LIPI: variants seen among roughly 807,000 people sequenced by gnomAD.
LIPI encodes lipase member I.
Under a neutral mutation model 50.6 loss-of-function variants are expected in LIPI, and 59 were observed. The observed-to-expected ratio is 1.16, with a 90% CI of 0.94 to 1.45. The LOEUF (loss-of-function observed/expected upper bound fraction) is 1.45. Among genes scored for constraint, LIPI ranks in the 40% most tolerant of loss-of-function variants. The pLI, the probability that LIPI is intolerant of heterozygous loss-of-function variation, is 0.00. For missense variants in LIPI, 586 were observed against 536.3 expected (o/e 1.09, Z -0.92); for synonymous variants, 203 against 178.2 (o/e 1.14, Z -1.11).
chr21:14,112,227 T>G (rs1179295582), intron 9 of LIPI, among the ~76,000 whole-genome samples: 1 of 152,164 alleles, frequency 6.6e-6, no homozygotes, highest in Non-Finnish European at 1.5e-5. Context: ...TTATACTACT[T>G]TGGTTACTAT....
intron 1 of LIPI, among the ~76,000 whole-genome samples, chr21:14,195,629 C>G (rs749224386): frequency 2.6e-5 from 4 of 152,040 alleles, no homozygotes; most frequent in Non-Finnish European, 4.4e-5. Flanking sequence ...AAACATGAAA[C>G]AGAAAAAAGT....
Position 14,161,622 on chromosome 21 carries a change from A to ATTAATGTATAATATATACATTAAT in LIPI, c.1006+1796_1006+1797insATTAATGTATATATTATACATTAA, listed in dbSNP as rs1568858276. ...ATATTAATATATAATATACATATAT[A>ATTAATGTATAATATATACATTAAT]ATATATTAATATATAATATATACAT... On this transcript the variant is annotated intron_variant, in intron 7 of 9. Transcript: ENST00000681601. Among the ~76,000 whole-genome samples the ATTAATGTATAATATATACATTAAT allele has an allele frequency of 1.2e-4, 11 of 95,562 alleles. 1 individual carries two copies. Among genetic ancestry groups the ATTAATGTATAATATATACATTAAT allele is most frequent in the African/African-American group, 5.4e-4 (11 of 20,296 alleles). The allele number at this position is 95,562 out of a possible 152,430, so 62.7% of individuals were successfully genotyped here.
intron 9 of LIPI, chr21:14,144,352 G>A (rs1382774536): frequency 7.4e-6 from 2 of 269,306 alleles, no homozygotes; most frequent in Non-Finnish European, 1.4e-5. Context: ...TCTAAGGCAG[G>A]CATTGGTGTT....
rs994124837 is a variant in LIPI, at chr21:14,186,017, G to A, written c.485C>T (p.Ala162Val). 2 of 1,607,202 alleles carry A rather than the reference G, an allele frequency of 1.2e-6. No individual in the cohort carries two copies. The highest frequency in any genetic ancestry group is 1.3e-5 in the African/African-American group (1 of 74,918). The change falls in exon 3 of 10, where the codon GCT becomes GTT. Residue 162 changes from alanine (A) to valine (V), a missense_variant. Coordinates refer to ENST00000681601, the MANE Select transcript of LIPI (RefSeq NM_001302998.2). ...CTTTCCAACAAATCCACTGATATGA[G>A]CCCCTAAGCTCACACCTATGAAATG... Reference protein sequence around the residue: ...NFHFIGVSLGAHISGFVGKIF... With the variant: ...NFHFIGVSLGVHISGFVGKIF...
At chr21:14,210,076 T>C (rs140876570) in intron 1 of LIPI, among the ~76,000 whole-genome samples, 2 of 152,078 alleles carry the variant, frequency 1.3e-5, no homozygotes, top group African/African-American at 4.8e-5. Flanking sequence ...TTCAAATAAA[T>C]TTAAAACATA....
intron 4 of LIPI, among the ~76,000 whole-genome samples, chr21:14,179,467 G>T (rs1227664476): frequency 6.6e-6 from 1 of 152,010 alleles, no homozygotes; most frequent in African/African-American, 2.4e-5. Flanking sequence ...AAAAGATGTT[G>T]CAAATATAAG....
At chr21:14,132,052 G>A (rs553286108) in intron 9 of LIPI, among the ~76,000 whole-genome samples, 40 of 152,174 alleles carry the variant, frequency 2.6e-4, no homozygotes, top group Middle Eastern at 3.4e-3. Flanking sequence ...AAAAAACAAA[G>A]CCTTTAACAT....
Position 14,134,512 on chromosome 21 carries a change from G to A in LIPI, c.1295+10111C>T, listed in dbSNP as rs1305914815. Among the ~76,000 whole-genome samples, 4 of 152,110 alleles carry A rather than the reference G, an allele frequency of 2.6e-5. No homozygotes were observed. In the East Asian group the frequency reaches 5.8e-4, roughly 22 times the overall value. ...AATCCTAAGCAAAAAGAACAAAGTT[G>A]GAGGCATCATATTACCTAACTTCAA... On this transcript the variant is annotated intron_variant, in intron 9 of 9. Transcript: ENST00000681601.
At chr21:14,166,991 A>G (rs2018710140) in intron 4 of LIPI, among the ~76,000 whole-genome samples, 1 of 152,208 alleles carries the variant, frequency 6.6e-6, no homozygotes, top group Non-Finnish European at 1.5e-5. Context: ...CACCTGGAAA[A>G]TCGGGTCACT....
chr21:14,169,208 T>C (rs2018803271), intron 4 of LIPI, among the ~76,000 whole-genome samples: 1 of 152,156 alleles, frequency 6.6e-6, no homozygotes, highest in Non-Finnish European at 1.5e-5. Context: ...TCCAGATTCA[T>C]AAAGCAAGTC....
chr21:14,163,568 A>G (rs73346033), intron 6 of LIPI, 45 bp from the exon 7 acceptor site: 64,882 of 912,996 alleles, frequency 0.071, 3,167 homozygotes, highest in East Asian at 0.22. Flanking sequence ...TTTCCATCAA[A>G]TAACAAAAAT....
chr21:14,119,873 A>T lies in LIPI; in HGVS notation c.1296-10793T>A, dbSNP rs115576731. Among the ~76,000 whole-genome samples the T allele has an allele frequency of 9.2e-3, 1,406 of 152,298 alleles. 23 individuals carry two copies. Among genetic ancestry groups the T allele is most frequent in the African/African-American group, 0.032 (1,332 of 41,550 alleles). Reference sequence around the variant, plus strand: ...ACTGCCTTGTTAGCCGAGGATGCTAACAAGCTCACATTTGGACAGAAGCTG... The same window carrying T: ...ACTGCCTTGTTAGCCGAGGATGCTATCAAGCTCACATTTGGACAGAAGCTG... On this transcript the variant is annotated intron_variant, in intron 9 of 9. Transcript: ENST00000681601.
intron 5 of LIPI, among the ~76,000 whole-genome samples, chr21:14,165,623 T>G (rs2155964): frequency 1.3e-5 from 2 of 152,030 alleles, no homozygotes; most frequent in Non-Finnish European, 2.9e-5. Context: ...ATAATTAACA[T>G]AGCAAAAATG....
intron 1 of LIPI, among the ~76,000 whole-genome samples, chr21:14,202,741 C>G (rs1196925352): frequency 6.6e-6 from 1 of 152,120 alleles, no homozygotes; most frequent in Non-Finnish European, 1.5e-5. Context: ...TAGAAGAAAA[C>G]CTAGGCCATA....
chr21:14,169,596 T>C (rs187645520), intron 4 of LIPI, among the ~76,000 whole-genome samples: 1 of 152,102 alleles, frequency 6.6e-6, no homozygotes, highest in African/African-American at 2.4e-5. Flanking sequence ...AACTGAACAA[T>C]CTGCTCCTGA....
At chr21:14,188,238 G>C (rs1343451203) in intron 2 of LIPI, among the ~76,000 whole-genome samples, 1 of 152,162 alleles carries the variant, frequency 6.6e-6, no homozygotes, top group African/African-American at 2.4e-5. Context: ...ATCCTGAGCA[G>C]ACTTGAATGA....
chr21:14,185,887 A>AAAG, intron 3 of LIPI, 74 bp downstream of exon 3: 1 of 935,910 alleles, frequency 1.1e-6, no homozygotes, highest in Non-Finnish European at 1.7e-6. Flanking sequence ...TGTCTCAAAA[A>AAAG]AAAAAAAATT....
intron 4 of LIPI, 33 bp from the exon 5 acceptor site, chr21:14,166,484 G>A (rs776815880): frequency 3.6e-6 from 4 of 1,100,288 alleles, no homozygotes. Context: ...ATCACAACAT[G>A]TATATAATCA....
intron 7 of LIPI, among the ~76,000 whole-genome samples, chr21:14,159,390 GA>G (rs931071746): frequency 6.6e-6 from 1 of 151,006 alleles, no homozygotes. Flanking sequence ...ACAAACTAAA[GA>G]AAAAAATTAT....
Sources: allele counts gnomAD v4.1 joint callset (sites outside exome capture counted in the v4.1 genomes callset), GRCh38; gene constraint gnomAD v4.1.1; transcripts MANE v1.5; gene names NCBI Gene and HGNC (gene_info 2026-07-23, HGNC 2026-07-21).